The following PSD4 variants were observed in gnomAD, a reference collection of about 807,000 sequenced individuals.
The protein encoded by PSD4 is pleckstrin and Sec7 domain containing 4, also known as PH and SEC7 domain-containing protein 4.
In PSD4, 59 loss-of-function variants were observed where a neutral mutation model predicts 112.5. The observed-to-expected ratio is 0.52, with a 90% CI of 0.43 to 0.65. The LOEUF (loss-of-function observed/expected upper bound fraction) is 0.65, where lower values mean the gene tolerates loss of function less well. Ranked by LOEUF, PSD4 falls within the 30% of genes least tolerant of loss-of-function variation. The pLI, the probability that PSD4 is intolerant of heterozygous loss-of-function variation, is 0.00. For synonymous variants in PSD4, 533 were observed against 540.0 expected (o/e 0.99, Z 0.18); for missense variants, 1,267 against 1,352.6 (o/e 0.94, Z 0.99).
intron 5 of PSD4, among the ~76,000 whole-genome samples, chr2:113,191,390 C>T (rs534756619): frequency 6.6e-6 from 1 of 152,274 alleles, no homozygotes; most frequent in South Asian, 2.1e-4. Flanking sequence ...ATTCTCCTGC[C>T]TTAGCCTCCT....
intron 1 of PSD4, among the ~76,000 whole-genome samples, chr2:113,180,001 T>C (rs977892326): frequency 2.6e-5 from 4 of 152,158 alleles, no homozygotes; most frequent in African/African-American, 9.7e-5. Context: ...GAGATTTCTT[T>C]TGGAGGCACT....
intron 4 of PSD4, 160 bp downstream of exon 4, chr2:113,185,600 A>G: frequency 6.4e-7 from 1 of 1,553,306 alleles, no homozygotes; most frequent in Admixed American, 2.0e-5. Context: ...CCTCTTTAAA[A>G]TTAAATGAAG....
intron 1 of PSD4, among the ~76,000 whole-genome samples, chr2:113,174,618 T>G (rs1470561423): frequency 6.6e-6 from 1 of 152,140 alleles, no homozygotes; most frequent in Non-Finnish European, 1.5e-5. Flanking sequence ...CAGCTTCATC[T>G]TGCCTTCCAG....
Position 113,206,060 on chromosome 2 carries a change from C to G in PSD4, c.*4645C>G, listed in dbSNP as rs1368008678. ...GTTCCCCTCAGCCGGCACACTGGCT[C>G]CTCTTCTCCTGCCTGCCACAGACCT... On this transcript the variant is annotated 3_prime_UTR_variant, in exon 17 of 17. Transcript: ENST00000245796. The G allele has an allele frequency of 6.6e-6, 1 of 152,570 alleles. No homozygotes were observed. Among genetic ancestry groups the G allele is most frequent in the Non-Finnish European group, 1.5e-5 (1 of 68,268 alleles). 9.5% of individuals were successfully genotyped at this position (152,570 alleles called of 1,614,324 possible).
chr2:113,184,804 C>T (rs1688244674), intron 2 of PSD4, among the ~76,000 whole-genome samples, 153 bp from the exon 3 acceptor site: 1 of 152,210 alleles, frequency 6.6e-6, no homozygotes, highest in South Asian at 2.1e-4. Flanking sequence ...TAAAACACAG[C>T]CCCTCCTTGG....
Position 113,202,714 on chromosome 2 carries a change from G to C in PSD4, c.*1299G>C, listed in dbSNP as rs892303495. On this transcript the variant is annotated 3_prime_UTR_variant, in exon 17 of 17. Transcript: ENST00000245796. The stretch of plus-strand genomic sequence containing the variant: ...CGCCAAGAGGGGGCCTCTGCTACCC[G>C]CTGCTGCCTGCCGGCTGACACACTG... 1 of 152,730 alleles carries C rather than the reference G, an allele frequency of 6.5e-6. No individual in the cohort carries two copies. Among genetic ancestry groups the C allele is most frequent in the Middle Eastern group, 3.4e-3 (1 of 296 alleles). 9.5% of individuals were successfully genotyped at this position (152,730 alleles called of 1,614,324 possible).
intron 12 of PSD4, among the ~76,000 whole-genome samples, chr2:113,197,038 A>C (rs1364366343): frequency 6.6e-6 from 1 of 152,264 alleles, no homozygotes; most frequent in Non-Finnish European, 1.5e-5. Context: ...CCTTTTGTCC[A>C]AGGAGCTTAG....
At chr2:113,186,574 C>T (rs1050254185) in intron 5 of PSD4, among the ~76,000 whole-genome samples, 7 of 152,126 alleles carry the variant, frequency 4.6e-5, no homozygotes, top group African/African-American at 7.2e-5. Context: ...TGAGCAAGGG[C>T]GTGTGCCTGC....
intron 2 of PSD4, 24 bp from the exon 3 acceptor site, chr2:113,184,931 CCT>C (rs774374128): frequency 6.2e-7 from 1 of 1,613,372 alleles, no homozygotes; most frequent in Non-Finnish European, 8.5e-7. Flanking sequence ...CTCCTTCTCT[CCT>C]CTGTCTCTCT....
In PSD4 at chr2:113,198,883, T is replaced by TGGTACGGCCTCCGGGAAGGGGTGG. The variant is rs1688689287; in HGVS notation, c.2769+3_2769+26dup. 3 of 1,582,972 alleles carry TGGTACGGCCTCCGGGAAGGGGTGG rather than the reference T, an allele frequency of 1.9e-6. No individual in the cohort carries two copies. Among genetic ancestry groups the TGGTACGGCCTCCGGGAAGGGGTGG allele is most frequent in the Non-Finnish European group, 2.6e-6 (3 of 1,171,902 alleles). Reference sequence around the variant, plus strand: ...CCCGTGGGCCCCGCCCAGAGCTCCCTGGTACGGCCTCCGGGAAGGGGTGGG... The same window carrying TGGTACGGCCTCCGGGAAGGGGTGG: ...CCCGTGGGCCCCGCCCAGAGCTCCCTGGTACGGCCTCCGGGAAGGGGTGGGGTACGGCCTCCGGGAAGGGGTGGG... On this transcript the variant is annotated inframe_insertion and splice_region_variant, in exon 15 of 17. Coordinates refer to ENST00000245796, the MANE Select transcript of PSD4 (RefSeq NM_012455.3).
Position 113,197,506 on chromosome 2 carries a change from A to T in PSD4, c.2387-58A>T, listed in dbSNP as rs756595717. The T allele has an allele frequency of 1.9e-6, 3 of 1,592,760 alleles. No individual in the cohort carries two copies. The Admixed American group carries it at 5.1e-5, about 27-fold the overall frequency. The stretch of plus-strand genomic sequence containing the variant: ...GCATATGCACACTTGCGTGTGTCTG[A>T]GTGTGTCTGGATGCTGGTGCCCCCA... On this transcript the variant is annotated intron_variant, in intron 12 of 16. Transcript: ENST00000245796.
rs753423320 is a variant in PSD4 at position 113,185,786 on chromosome 2, G to A, written c.1250-91G>A. The A allele has an allele frequency of 5.8e-6, 9 of 1,551,890 alleles. No individual in the cohort carries two copies. The East Asian group carries it at 1.9e-4, about 34-fold the overall frequency. On this transcript the variant is annotated intron_variant, in intron 4 of 16. Coordinates refer to ENST00000245796, the MANE Select transcript of PSD4 (RefSeq NM_012455.3). Reference sequence around the variant, plus strand: ...GGGCATGCTGCCAGGCTCCAGGGGAGGAGCCCCAGGGAGGGAGCCTCTGGA... The same window carrying A: ...GGGCATGCTGCCAGGCTCCAGGGGAAGAGCCCCAGGGAGGGAGCCTCTGGA...
At position 113,182,712 on chromosome 2, in the gene PSD4, C is replaced by G. The variant is rs757631146; in HGVS notation, c.256C>G (p.Pro86Ala). ...GSWVHQDGLE[P>A]CQEQTRATDP... ...CTGGGTCCATCAGGACGGGCTGGAG[C>G]CTTGCCAGGAGCAAACCCGGGCCAC... The change falls in exon 2 of 17, where the codon CCT becomes GCT. Residue 86 changes from proline (P) to alanine (A), a missense_variant. Transcript: ENST00000245796. The G allele has an allele frequency of 2.5e-6, 4 of 1,605,564 alleles. No homozygotes were observed. The highest frequency in any genetic ancestry group is 1.1e-5 in the South Asian group (1 of 90,508).
chr2:113,198,806 G>A lies in PSD4; in HGVS notation c.2691G>A (p.Pro897=). 6.3e-7 allele frequency: 1 copy of A among 1,580,680 alleles called. No homozygotes were observed. Among genetic ancestry groups the A allele is most frequent in the Non-Finnish European group, 8.6e-7 (1 of 1,165,398 alleles). The change falls in exon 15 of 17, where the codon CCG becomes CCA. Residue 897 remains proline, a synonymous_variant. Transcript: ENST00000245796. ...INLAAATHSA[P]PFPAAVGSQR... ...TGGCTGCGGCCACGCACTCCGCGCC[G>A]CCCTTCCCCGCCGCTGTGGGCTCCC...
In PSD4 at chr2:113,178,651, C is replaced by A. The variant is rs186961006; in HGVS notation, c.-111-3695C>A. Reference sequence around the variant, plus strand: ...GTCCTTTCTAGCAGGCCCAGCCCCGCATTCCCACTCCCATTCCCATATTGG... The same window carrying A: ...GTCCTTTCTAGCAGGCCCAGCCCCGAATTCCCACTCCCATTCCCATATTGG... On this transcript the variant is annotated intron_variant, in intron 1 of 16. Coordinates refer to ENST00000245796, the MANE Select transcript of PSD4 (RefSeq NM_012455.3). Among the ~76,000 whole-genome samples the A allele has an allele frequency of 3.8e-3, 583 of 152,210 alleles. 7 individuals carry two copies. Among genetic ancestry groups the A allele is most frequent in the African/African-American group, 0.013 (546 of 41,524 alleles).
At position 113,185,852 on chromosome 2, in the gene PSD4, C is replaced by T. The variant is rs370983382; in HGVS notation, c.1250-25C>T. The stretch of plus-strand genomic sequence containing the variant: ...GTTCTCCTGCCTCCTGCCCTGTGCC[C>T]GCCTCACTTCATGTTCTTCCTCAGA... On this transcript the variant is annotated intron_variant, in intron 4 of 16. Coordinates refer to ENST00000245796, the MANE Select transcript of PSD4 (RefSeq NM_012455.3). 4.5e-5 allele frequency: 72 copies of T among 1,598,184 alleles called. No homozygotes were observed. In the East Asian group the frequency reaches 5.2e-4, roughly 12 times the overall value.
Position 113,183,495 on chromosome 2 carries a change from G to C in PSD4, c.1039G>C (p.Gly347Arg). 4 of 1,581,538 alleles carry C rather than the reference G, an allele frequency of 2.5e-6. No individual in the cohort carries two copies. The highest frequency in any genetic ancestry group is 3.4e-6 in the Non-Finnish European group (4 of 1,166,004). Residue 347 changes from glycine (G) to arginine (R), a missense_variant, in exon 2 of 17, where the codon GGT becomes CGT. By Grantham distance (125) the Gly-to-Arg change is moderately radical. This residue lies in a region of PSD4 where 723 missense variants were observed against 704.0 expected (regional missense o/e 1.03). Coordinates refer to ENST00000245796, the MANE Select transcript of PSD4 (RefSeq NM_012455.3). ...TGAGGGGGCTCCTGCAGCACCTCCTGGTCACGGGGAGAGTGAGGTAAGCCC... is the reference window on the plus strand; with the variant it reads ...TGAGGGGGCTCCTGCAGCACCTCCTCGTCACGGGGAGAGTGAGGTAAGCCC... ...AAEGAPAAPPGHGESEGDRLG... is the reference protein window; with the variant it reads ...AAEGAPAAPPRHGESEGDRLG...
Position 113,198,788 on chromosome 2 carries a change from G to T in PSD4, c.2673G>T (p.Ala891=), listed in dbSNP as rs145321205. ...SSWIARINLA[A]ATHSAPPFPA... is the part of the protein sequence containing the mutation. ...GGATCGCGCGCATCAACTTGGCTGC[G>T]GCCACGCACTCCGCGCCGCCCTTCC... The change falls in exon 15 of 17, where the codon GCG becomes GCT. Residue 891 remains alanine (A), a synonymous_variant. Transcript: ENST00000245796. The T allele has an allele frequency of 6.3e-7, 1 of 1,587,096 alleles. No homozygotes were observed. The highest frequency in any genetic ancestry group is 1.1e-5 in the South Asian group (1 of 90,154).
Position 113,182,528 on chromosome 2 carries a change from C to T in PSD4, c.72C>T (p.Ser24=). 1 of 1,614,168 alleles carries T rather than the reference C, an allele frequency of 6.2e-7. No individual in the cohort carries two copies. Among genetic ancestry groups the T allele is most frequent in the Non-Finnish European group, 8.5e-7 (1 of 1,180,020 alleles). ...MEILNLYLGD[S]LEPHPGECPR... ...TTCTCAACCTGTACTTGGGAGACAG[C>T]CTGGAGCCCCACCCAGGAGAGTGCC... The change falls in exon 2 of 17, where the codon AGC becomes AGT. Residue 24 remains serine, a synonymous_variant. Coordinates refer to ENST00000245796, the MANE Select transcript of PSD4 (RefSeq NM_012455.3).
Sources: gnomAD v4.1 joint callset for allele counts (sites outside exome capture counted in the v4.1 genomes callset) on GRCh38, gnomAD v4.1.1 for gene constraint, gnomAD v4.1.1 regional missense constraint, MANE v1.5 for transcripts, NCBI Gene and HGNC (gene_info 2026-07-23, HGNC 2026-07-21) for gene names.